Variants in SLC1A2 observed in about 807,000 individuals in gnomAD.
The protein encoded by SLC1A2 is solute carrier family 1 member 2.
A neutral mutation model predicts 48.8 loss-of-function variants in SLC1A2; 15 were observed. That is an observed-to-expected ratio of 0.31 (90% confidence interval 0.21 to 0.47). The LOEUF (loss-of-function observed/expected upper bound fraction) is 0.47. SLC1A2 is among the 20% of genes least tolerant of loss of function. The probability of loss-of-function intolerance (pLI) is 0.99; values close to 1 mark genes in which losing one functional copy is unlikely to be tolerated. For synonymous variants in SLC1A2, 279 were observed against 272.6 expected, an observed-to-expected ratio of 1.02 and a Z score of -0.23; for missense variants, 502 against 730.5, an observed-to-expected ratio of 0.69 and a Z score of 3.61.
chr11:35,412,667 G>A (rs776852134), intron 1 of SLC1A2, among the ~76,000 whole-genome samples: 1 of 152,200 alleles, frequency 6.6e-6, no homozygotes, highest in East Asian at 1.9e-4. Context: ...AAGACCAGTC[G>A]CTGTTTCAGT....
At chr11:35,371,141 T>G (rs1854048433) in intron 1 of SLC1A2, 1 of 928,278 alleles carries the variant, frequency 1.1e-6, no homozygotes, top group South Asian at 5.0e-5. Flanking sequence ...TTTGCCTCAT[T>G]CATCCTAAAG....
At chr11:35,413,705 GA>G (rs2135303448) in intron 1 of SLC1A2, 1 of 152,380 alleles carries the variant, frequency 6.6e-6, no homozygotes, top group Non-Finnish European at 1.5e-5. Flanking sequence ...CCAGTGCTGG[GA>G]AAAAGGCAAA....
chr11:35,327,054 T>A (rs1002910950), intron 1 of SLC1A2, among the ~76,000 whole-genome samples: 11 of 152,198 alleles, frequency 7.2e-5, no homozygotes, highest in South Asian at 2.1e-4. Flanking sequence ...TGCATACCAT[T>A]GCCAGGATCA....
chr11:35,269,191 G>A (rs1418901314), intron 9 of SLC1A2, among the ~76,000 whole-genome samples: 1 of 152,126 alleles, frequency 6.6e-6, no homozygotes, highest in Non-Finnish European at 1.5e-5. Flanking sequence ...TGTCTATGAG[G>A]AAGCAGGCCC....
intron 4 of SLC1A2, among the ~76,000 whole-genome samples, chr11:35,307,783 T>A (rs913666180): frequency 1.3e-5 from 2 of 152,194 alleles, no homozygotes; most frequent in Non-Finnish European, 2.9e-5. Context: ...TAGGAAGCAA[T>A]GCTGAACTGC....
rs1015513466 is a variant in SLC1A2 at position 35,378,477 on chromosome 11, T to C, written c.17+40473A>G. 1.2e-4 allele frequency among the ~76,000 whole-genome samples: 19 copies of C among 152,362 alleles called. No individual in the cohort carries two copies. In the Middle Eastern group the frequency reaches 0.01, roughly 82 times the overall value. ...TTGTCACAAACCTGCACTGATTTGT[T>C]AGCATCTTTATCTCTGAAAGCGCTC... On this transcript the variant is annotated intron_variant, in intron 1 of 10. Transcript: ENST00000278379.
chr11:35,301,383 C>T, intron 6 of SLC1A2, 136 bp downstream of exon 6: 1 of 732,316 alleles, frequency 1.4e-6, no homozygotes, highest in Non-Finnish European at 2.2e-6. Flanking sequence ...TATTTTCATC[C>T]CTTTCTCAAA....
chr11:35,354,249 T>C lies in SLC1A2; in HGVS notation c.18-36733A>G, dbSNP rs534881448. On this transcript the variant is annotated intron_variant, in intron 1 of 10. Coordinates refer to ENST00000278379, the MANE Select transcript of SLC1A2 (RefSeq NM_004171.4). The stretch of plus-strand genomic sequence containing the variant: ...AGAGGATTGGTTGGGACCAGGAGTT[T>C]GAGACCAGCCTGGTCAATATAACAA... Among the ~76,000 whole-genome samples the C allele has an allele frequency of 3.3e-5, 5 of 152,106 alleles. No individual in the cohort carries two copies. In the South Asian group the frequency reaches 1.0e-3, roughly 32 times the overall value.
rs1851730211 is a variant in SLC1A2 at position 35,312,259 on chromosome 11, G to A, written c.500C>T (p.Ala167Val). 6.2e-7 allele frequency: 1 copy of A among 1,614,052 alleles called. No individual in the cohort carries two copies. The highest frequency in any genetic ancestry group is 8.5e-7 in the Non-Finnish European group (1 of 1,179,928). Residue 167 changes from alanine to valine, a missense_variant, in exon 4 of 11, where the codon GCC (alanine) becomes GTC (valine). Transcript: ENST00000278379. ...GAGATTTCGAATAAGGTCCAGGAAGGCATCCAGGCTGGACACTTCATCATT... is the reference window on the plus strand; with the variant it reads ...GAGATTTCGAATAAGGTCCAGGAAGACATCCAGGCTGGACACTTCATCATT... Reference protein sequence around the residue: ...KKNDEVSSLDAFLDLIRNLFP... With the variant: ...KKNDEVSSLDVFLDLIRNLFP...
intron 1 of SLC1A2, among the ~76,000 whole-genome samples, chr11:35,331,554 A>C (rs1852428304): frequency 6.6e-6 from 1 of 152,324 alleles, no homozygotes; most frequent in Non-Finnish European, 1.5e-5. Flanking sequence ...TCTTCTTAAG[A>C]GAAGAATGTA....
Position 35,286,839 on chromosome 11 carries a change from C to T in SLC1A2, c.1204G>A (p.Ala402Thr). Residue 402 changes from alanine (A) to threonine (T), a missense_variant, in exon 8 of 11, where the codon GCC becomes ACC. Around this residue, in one of 4 missense-constraint regions of SLC1A2, gnomAD observed 309 missense variants for 480.3 expected, o/e 0.64. Coordinates refer to ENST00000278379, the MANE Select transcript of SLC1A2 (RefSeq NM_004171.4). ...ATGGCGGCTACCGCTTCATAAAGGGCTGTACCATCCATGTTAATGGTTGCT... is the reference window on the plus strand; with the variant it reads ...ATGGCGGCTACCGCTTCATAAAGGGTTGTACCATCCATGTTAATGGTTGCT... ...VGATINMDGT[A>T]LYEAVAAIFI... 6.2e-7 allele frequency: 1 copy of T among 1,613,986 alleles called. No individual in the cohort carries two copies. The highest frequency in any genetic ancestry group is 1.1e-5 in the South Asian group (1 of 91,082).
intron 1 of SLC1A2, among the ~76,000 whole-genome samples, chr11:35,389,452 C>CCTTCTCCTTCTTCTT (rs141467812): frequency 3.3e-5 from 5 of 150,430 alleles, no homozygotes; most frequent in Admixed American, 6.6e-5. Flanking sequence ...TTCTCCTTCT[C>CCTTCTCCTTCTTCTT]CTTCTTCTTC....
At chr11:35,380,286 G>C in intron 1 of SLC1A2, 1 of 398,220 alleles carries the variant, frequency 2.5e-6, no homozygotes, top group Non-Finnish European at 4.4e-6. Flanking sequence ...TGGGTGGTTC[G>C]ACTCCACCTA....
chr11:35,278,198 T>C (rs111355302), intron 9 of SLC1A2, among the ~76,000 whole-genome samples: 8,190 of 151,916 alleles, frequency 0.054, 727 homozygotes, highest in African/African-American at 0.19. Context: ...CAGGAAAATC[T>C]ATGGCCTTCC....
At position 35,279,060 on chromosome 11, in the gene SLC1A2, C is replaced by A. The variant is rs565586347; in HGVS notation, c.1421+1807G>T. On this transcript the variant is annotated intron_variant, in intron 9 of 10. Transcript: ENST00000278379. ...TGGTTTCTGGCTCTTAAAATCAATGCCAATAAATGTCAGAAAATTTGCTAC... is the reference window on the plus strand; with the variant it reads ...TGGTTTCTGGCTCTTAAAATCAATGACAATAAATGTCAGAAAATTTGCTAC... 2.0e-5 allele frequency among the ~76,000 whole-genome samples: 3 copies of A among 152,274 alleles called. No homozygotes were observed. The East Asian group carries it at 5.8e-4, about 29-fold the overall frequency.
At chr11:35,395,755 C>T (rs1470086946) in intron 1 of SLC1A2, among the ~76,000 whole-genome samples, 1 of 146,352 alleles carries the variant, frequency 6.8e-6, no homozygotes, top group Non-Finnish European at 1.5e-5. Context: ...ATACATGTGC[C>T]GTGCTGGTGC....
At position 35,259,735 on chromosome 11, in the gene SLC1A2, T is replaced by C. The variant is rs1020552370; in HGVS notation, c.*1159A>G. ...TACTGAGAAGACTGAGGAGGAAGAC[T>C]GGCTCTGCTTCCAACTGTGTCCTAT... On this transcript the variant is annotated 3_prime_UTR_variant, in exon 11 of 11. Transcript: ENST00000278379. 3.3e-5 allele frequency: 5 copies of C among 152,230 alleles called. No individual in the cohort carries two copies. The highest frequency in any genetic ancestry group is 1.2e-4 in the African/African-American group (5 of 41,456). 9.4% of individuals were successfully genotyped at this position (152,230 alleles called of 1,614,324 possible). A position where few individuals can be genotyped will look rare whatever the true frequency, so the allele number is the denominator to read the frequency against.
chr11:35,313,496 A>G (rs1851771082), intron 3 of SLC1A2, among the ~76,000 whole-genome samples: 1 of 152,138 alleles, frequency 6.6e-6, no homozygotes, highest in Admixed American at 6.5e-5. Context: ...TCCTGGTTTC[A>G]GTTCCTGCTT....
At position 35,251,244 on chromosome 11, in the gene SLC1A2, C is replaced by T. The variant is rs569017373; in HGVS notation, c.*9650G>A. On this transcript the variant is annotated 3_prime_UTR_variant, in exon 11 of 11. Coordinates refer to ENST00000278379, the MANE Select transcript of SLC1A2 (RefSeq NM_004171.4). ...CATTTATTGATGAGAGATATATACA[C>T]AAAAGTTAAAACACTTAGTGAAATA... The T allele has an allele frequency of 2.0e-5, 3 of 152,542 alleles. No individual in the cohort carries two copies. The highest frequency in any genetic ancestry group is 4.4e-5 in the Non-Finnish European group (3 of 68,018). 9.4% of individuals were successfully genotyped at this position (152,542 alleles called of 1,614,324 possible).
Sources: allele counts gnomAD v4.1 joint callset (sites outside exome capture counted in the v4.1 genomes callset), GRCh38; gene constraint gnomAD v4.1.1; regional missense constraint gnomAD v4.1.1; transcripts MANE v1.5; gene names NCBI Gene and HGNC (gene_info 2026-07-23, HGNC 2026-07-21).